CTSH: variants seen among roughly 807,000 people sequenced by gnomAD.
The protein encoded by CTSH is cathepsin H.
A neutral mutation model predicts 56.3 loss-of-function variants in CTSH; 52 were observed. That is an observed-to-expected ratio of 0.92 (90% confidence interval 0.74 to 1.16). CTSH has a LOEUF of 1.16. Ranked by LOEUF, CTSH falls within the 50% of genes most tolerant of loss-of-function variation. CTSH has a pLI of 0.00. For missense variants in CTSH, 406 were observed against 424.5 expected (o/e 0.96, Z 0.38); for synonymous variants, 174 against 155.7 (o/e 1.12, Z -0.88).
intron 1 of CTSH, 117 bp downstream of exon 1, chr15:78,944,774 T>C: frequency 1.2e-5 from 16 of 1,376,398 alleles, no homozygotes; most frequent in Non-Finnish European, 1.5e-5. Context: ...TCCTGGCCTC[T>C]CACCGGGGAA....
chr15:78,932,126 T>C (rs898345651), intron 6 of CTSH: 3 of 1,204,666 alleles, frequency 2.5e-6, no homozygotes, highest in Non-Finnish European at 3.2e-6. Context: ...CTCCAGGCTG[T>C]CAAGCTAAGG....
chr15:78,933,107 CCTT>C (rs1180795694), intron 5 of CTSH, among the ~76,000 whole-genome samples: 5 of 152,206 alleles, frequency 3.3e-5, no homozygotes, highest in African/African-American at 9.7e-5. Flanking sequence ...CATTTCCCCA[CCTT>C]CTAACAGTTC....
chr15:78,939,042 AT>A, intron 2 of CTSH, 97 bp downstream of exon 2: 2 of 1,173,352 alleles, frequency 1.7e-6, no homozygotes, highest in Non-Finnish European at 2.5e-6. Context: ...AAAGTTGGAA[AT>A]TCCCTTTTTC....
chr15:78,928,496 C>T (rs1478956962), intron 8 of CTSH, among the ~76,000 whole-genome samples: 5 of 132,782 alleles, frequency 3.8e-5, no homozygotes, highest in Admixed American at 9.0e-5. Flanking sequence ...ACTCGGGAGG[C>T]GGAGGTTGCA....
chr15:78,939,322 A>C (rs2055240359), intron 1 of CTSH, 151 bp from the exon 2 acceptor site: 2 of 590,924 alleles, frequency 3.4e-6, no homozygotes, highest in Non-Finnish European at 5.8e-6. Flanking sequence ...AGAATGCAAA[A>C]AGAAACTCCG....
rs148132577 is a variant in CTSH, at chr15:78,940,528, A to T, written c.92-1357T>A. 8.5e-4 allele frequency among the ~76,000 whole-genome samples: 116 copies of T among 135,942 alleles called. No homozygotes were observed. The East Asian group carries it at 0.028, about 33-fold the overall frequency. The allele number at this position is 135,942 out of a possible 152,430, so 89.2% of individuals were successfully genotyped here. A position where few individuals can be genotyped will look rare whatever the true frequency, so the allele number is the denominator to read the frequency against. On this transcript the variant is annotated intron_variant, in intron 1 of 11. Transcript: ENST00000220166. ...TTCCTGCCTGGGTGACAGGAGTGAG[A>T]CCTTGTCTCAAAAAAAAAAAAAAAA... is the stretch of plus-strand genomic sequence containing the variant.
At chr15:78,941,422 T>TAAAAAAA (rs35226827) in intron 1 of CTSH, among the ~76,000 whole-genome samples, 1 of 48,432 alleles carries the variant, frequency 2.1e-5, no homozygotes, top group Non-Finnish European at 3.2e-5. Context: ...AGACTCTGTC[T>TAAAAAAA]AAAAAAAAAA....
chr15:78,935,841 T>C (rs2055163235), intron 3 of CTSH, 91 bp from the exon 4 acceptor site: 1 of 903,682 alleles, frequency 1.1e-6, no homozygotes, highest in East Asian at 2.5e-5. Context: ...CCTGTTTACC[T>C]GTGTCGTATT....
At chr15:78,932,160 G>T in intron 6 of CTSH, 1 of 977,926 alleles carries the variant, frequency 1.0e-6, no homozygotes, top group Non-Finnish European at 1.4e-6. Context: ...ATCTAGGAAT[G>T]AGCCCTTGGG....
At chr15:78,935,646 G>A (rs778885247) in intron 4 of CTSH, 34 bp downstream of exon 4, 2 of 1,553,344 alleles carry the variant, frequency 1.3e-6, no homozygotes, top group Non-Finnish European at 1.8e-6. Flanking sequence ...TTCAGTAAAA[G>A]GATTCAGATT....
intron 11 of CTSH, among the ~76,000 whole-genome samples, chr15:78,922,527 C>G (rs545146592): frequency 1.3e-5 from 2 of 152,278 alleles, no homozygotes; most frequent in South Asian, 4.1e-4. Flanking sequence ...CAGGAAAGCT[C>G]TCCTTTTCAG....
chr15:78,926,667 A>C (rs148483390), intron 9 of CTSH: 6 of 152,356 alleles, frequency 3.9e-5, no homozygotes, highest in Non-Finnish European at 8.8e-5. Flanking sequence ...TATGTTGTCA[A>C]GGCAATGAGC....
At chr15:78,929,924 C>A (rs2055012808) in intron 7 of CTSH, among the ~76,000 whole-genome samples, 1 of 152,218 alleles carries the variant, frequency 6.6e-6, no homozygotes, top group African/African-American at 2.4e-5. Context: ...CTGGCCAGGG[C>A]CACACAGCTA....
intron 7 of CTSH, among the ~76,000 whole-genome samples, chr15:78,930,404 G>GGGGAGGC (rs1368714455): frequency 6.6e-6 from 1 of 152,174 alleles, no homozygotes; most frequent in Non-Finnish European, 1.5e-5. Flanking sequence ...GCGCACGCCT[G>GGGGAGGC]TAATCCCAGC....
At chr15:78,935,515 G>A (rs1469243351) in intron 4 of CTSH, among the ~76,000 whole-genome samples, 165 bp downstream of exon 4, 1 of 152,248 alleles carries the variant, frequency 6.6e-6, no homozygotes, top group African/African-American at 2.4e-5. Flanking sequence ...CTGGACTGAG[G>A]AACTGCTGAG....
In CTSH at chr15:78,937,304, G is replaced by A. The variant is rs775972465; in HGVS notation, c.229+14C>T. ...TGACATCCTTCCAGGAAGGAAGGAAGGCGTTCCACGTACTTTTAAATGTGT... is the reference window on the plus strand; with the variant it reads ...TGACATCCTTCCAGGAAGGAAGGAAAGCGTTCCACGTACTTTTAAATGTGT... On this transcript the variant is annotated intron_variant, in intron 3 of 11. Coordinates refer to ENST00000220166, the MANE Select transcript of CTSH (RefSeq NM_004390.5). 4.4e-6 allele frequency: 7 copies of A among 1,606,506 alleles called. No individual in the cohort carries two copies. Among genetic ancestry groups the A allele is most frequent in the Non-Finnish European group, 6.0e-6 (7 of 1,173,504 alleles).
chr15:78,929,132 G>C (rs540114755), intron 8 of CTSH, among the ~76,000 whole-genome samples: 10 of 152,212 alleles, frequency 6.6e-5, no homozygotes, highest in East Asian at 5.8e-4. Flanking sequence ...TGGGGCAGGT[G>C]GGGGGAAGGA....
chr15:78,932,541 C>T lies in CTSH; in HGVS notation c.406-83G>A, dbSNP rs529969792. 149 of 1,052,712 alleles carry T rather than the reference C, an allele frequency of 1.4e-4. No individual in the cohort carries two copies. The East Asian group carries it at 1.6e-3, about 11-fold the overall frequency. The allele number at this position is 1,052,712 out of a possible 1,614,324, so 65.2% of individuals were successfully genotyped here. A position where few individuals can be genotyped will look rare whatever the true frequency, so the allele number is the denominator to read the frequency against. On this transcript the variant is annotated intron_variant, in intron 5 of 11. Coordinates refer to ENST00000220166, the MANE Select transcript of CTSH (RefSeq NM_004390.5). ...CTGCCTTCTGCCTTCCTCTGCTGAC[C>T]CTGCCAGAGCTCCCGAGTCCCCAGG...
At chr15:78,938,486 T>A (rs1408709226) in intron 2 of CTSH, among the ~76,000 whole-genome samples, 1 of 152,234 alleles carries the variant, frequency 6.6e-6, no homozygotes, top group African/African-American at 2.4e-5. Context: ...TCCACTTTTT[T>A]ATCTCCCACA....
Sources: allele counts gnomAD v4.1 joint callset (sites outside exome capture counted in the v4.1 genomes callset), GRCh38; gene constraint gnomAD v4.1.1; transcripts MANE v1.5; gene names NCBI Gene and HGNC (gene_info 2026-07-23, HGNC 2026-07-21).